The following TMEM132B variants were observed in gnomAD, a reference collection of about 807,000 sequenced individuals.
TMEM132B encodes the protein transmembrane protein 132B.
A neutral mutation model predicts 90.8 loss-of-function variants in TMEM132B; 18 were observed. That is an observed-to-expected ratio of 0.20 (90% confidence interval 0.14 to 0.29). The LOEUF (loss-of-function observed/expected upper bound fraction) is 0.29. Ranked by LOEUF, TMEM132B falls within the 10% of genes least tolerant of loss-of-function variation. The pLI is 1.00. For synonymous variants in TMEM132B, 504 were observed against 523.3 expected (o/e 0.96, Z 0.50); for missense variants, 1,096 against 1,326.8 (o/e 0.83, Z 2.70).
At chr12:125,535,563 A>G (rs1883774033) in intron 4 of TMEM132B, among the ~76,000 whole-genome samples, 2 of 152,202 alleles carry the variant, frequency 1.3e-5, no homozygotes, top group Admixed American at 1.3e-4. Context: ...AATTTTTTTA[A>G]TGAAGGAGGA....
intron 5 of TMEM132B, among the ~76,000 whole-genome samples, chr12:125,608,307 A>C (rs982069086): frequency 6.6e-6 from 1 of 152,176 alleles, no homozygotes; most frequent in African/African-American, 2.4e-5. Context: ...TCAAATTGTA[A>C]TTTTGACTTG....
Position 125,415,397 on chromosome 12 carries a change from C to G in TMEM132B, c.960-134C>G. 10 of 1,160,758 alleles carry G rather than the reference C, an allele frequency of 8.6e-6. No individual in the cohort carries two copies. In the South Asian group the frequency reaches 1.5e-4, roughly 18 times the overall value. The allele number at this position is 1,160,758 out of a possible 1,614,324, so 71.9% of individuals were successfully genotyped here. A position where few individuals can be genotyped will look rare whatever the true frequency, so the allele number is the denominator to read the frequency against. ...GGAAAGCCACTTGCCACCACTCTCC[C>G]CCACATCTCCCAGAGGAAGGGGGCG... is the stretch of plus-strand genomic sequence containing the variant. On this transcript the variant is annotated intron_variant, in intron 2 of 8. Coordinates refer to ENST00000682704, the MANE Select transcript of TMEM132B (RefSeq NM_001366854.1). This position sits in a 1 kb window ranked among gnomAD's most constrained non-coding sequence, Gnocchi z 5.3.
chr12:125,662,369 A>C lies in TMEM132B; in HGVS notation c.*7659A>C, dbSNP rs989402734. 1 of 152,224 alleles carries C rather than the reference A, an allele frequency of 6.6e-6. No individual in the cohort carries two copies. Among genetic ancestry groups the C allele is most frequent in the South Asian group, 2.1e-4 (1 of 4,832 alleles). 9.4% of individuals were successfully genotyped at this position (152,224 alleles called of 1,614,324 possible). A position where few individuals can be genotyped will look rare whatever the true frequency, so the allele number is the denominator to read the frequency against. On this transcript the variant is annotated 3_prime_UTR_variant, in exon 9 of 9. Transcript: ENST00000682704. Reference sequence around the variant, plus strand: ...ACGAAGAAATAAAACATGTTGGATGATTCCTTGTTATAGTAAAACAATTAA... The same window carrying C: ...ACGAAGAAATAAAACATGTTGGATGCTTCCTTGTTATAGTAAAACAATTAA...
intron 4 of TMEM132B, among the ~76,000 whole-genome samples, chr12:125,566,415 G>T (rs1884658857): frequency 6.6e-6 from 1 of 152,306 alleles, no homozygotes; most frequent in South Asian, 2.1e-4. Context: ...GACATAAATA[G>T]TGCTCACACA....
chr12:125,209,042 T>C lies in TMEM132B; in HGVS notation c.67+22176T>C, dbSNP rs753221401. 6.6e-6 allele frequency among the ~76,000 whole-genome samples: 1 copy of C among 152,100 alleles called. No homozygotes were observed. Among genetic ancestry groups the C allele is most frequent in the African/African-American group, 2.4e-5 (1 of 41,394 alleles). On this transcript the variant is annotated intron_variant, in intron 1 of 8. Coordinates refer to ENST00000682704, the MANE Select transcript of TMEM132B (RefSeq NM_001366854.1). The surrounding 1 kb of genome is among the most constrained non-coding windows in gnomAD (Gnocchi z 4.4). The stretch of plus-strand genomic sequence containing the variant: ...GTCAACTGAGCCCGGGGTTATTGAT[T>C]TACAGGAGGCAGATTATGTTTGGGA...
chr12:125,451,287 C>T (rs973187149), intron 3 of TMEM132B, among the ~76,000 whole-genome samples: 15 of 151,870 alleles, frequency 9.9e-5, no homozygotes, highest in Admixed American at 4.6e-4. Flanking sequence ...GAATGCACAC[C>T]GAAGTATTTA....
chr12:125,494,985 G>A (rs1468402069), intron 3 of TMEM132B, among the ~76,000 whole-genome samples: 23 of 79,604 alleles, frequency 2.9e-4, no homozygotes, highest in South Asian at 9.6e-4. Context: ...CTCCTCCCTG[G>A]AAATGGCTGT....
rs1887080814 is a variant in TMEM132B at position 125,657,000 on chromosome 12, A to G, written c.*2290A>G. The G allele has an allele frequency of 6.6e-6, 1 of 152,254 alleles. No homozygotes were observed. Among genetic ancestry groups the G allele is most frequent in the African/African-American group, 2.4e-5 (1 of 41,468 alleles). The allele number at this position is 152,254 out of a possible 1,614,324, so 9.4% of individuals were successfully genotyped here. A position where few individuals can be genotyped will look rare whatever the true frequency, so the allele number is the denominator to read the frequency against. ...AACTGGGGAGGAGGTGAAGGAAATT[A>G]TCCCTGCCATGGGGAGTGTTATTCA... is the stretch of plus-strand genomic sequence containing the variant. On this transcript the variant is annotated 3_prime_UTR_variant, in exon 9 of 9. Transcript: ENST00000682704.
intron 3 of TMEM132B, among the ~76,000 whole-genome samples, chr12:125,435,968 C>T (rs1168878389): frequency 6.6e-6 from 1 of 152,006 alleles, no homozygotes; most frequent in Non-Finnish European, 1.5e-5. Flanking sequence ...TCCTGCCCCT[C>T]GGTGCCCCAC....
chr12:125,446,443 A>C (rs527462075), intron 3 of TMEM132B, among the ~76,000 whole-genome samples: 2 of 152,348 alleles, frequency 1.3e-5, no homozygotes, highest in East Asian at 3.9e-4. Context: ...CTTAATGTTC[A>C]TTAAGAAGTA....
intron 3 of TMEM132B, among the ~76,000 whole-genome samples, chr12:125,519,171 G>T (rs1883241066): frequency 6.6e-6 from 1 of 152,200 alleles, no homozygotes; most frequent in Non-Finnish European, 1.5e-5. Flanking sequence ...ATGCGAAGAG[G>T]TGAAATGCTG....
At chr12:125,189,443 G>A (rs985205252) in intron 1 of TMEM132B, among the ~76,000 whole-genome samples, 2 of 152,166 alleles carry the variant, frequency 1.3e-5, no homozygotes, top group African/African-American at 4.8e-5. Flanking sequence ...GCAGGGGGGA[G>A]CTTTGGCTTT....
chr12:125,337,603 C>T (rs918490594), intron 1 of TMEM132B, among the ~76,000 whole-genome samples: 4 of 152,142 alleles, frequency 2.6e-5, no homozygotes, highest in East Asian at 1.9e-4. Flanking sequence ...ATACGGTCGA[C>T]GAGGAAGTTT....
Position 125,644,212 on chromosome 12 carries a change from A to G in TMEM132B, c.1574A>G (p.Gln525Arg). 6.2e-7 allele frequency: 1 copy of G among 1,614,210 alleles called. No individual in the cohort carries two copies. Among genetic ancestry groups the G allele is most frequent in the Non-Finnish European group, 8.5e-7 (1 of 1,180,048 alleles). The change falls in exon 6 of 9, where the codon CAG becomes CGG. Residue 525 changes from glutamine to arginine, a missense_variant. Physicochemically the swap from Gln to Arg is conservative, Grantham distance 43. Coordinates refer to ENST00000682704, the MANE Select transcript of TMEM132B (RefSeq NM_001366854.1). ...VTVWAPRLPL[Q>R]IEISDTELSQ... The stretch of plus-strand genomic sequence containing the variant: ...GTCTGGGCACCCAGGCTCCCCCTGC[A>G]GATTGAGATCTCAGACACCGAGCTG...
At chr12:125,617,802 C>G (rs1886027151) in intron 5 of TMEM132B, among the ~76,000 whole-genome samples, 1 of 152,068 alleles carries the variant, frequency 6.6e-6, no homozygotes, top group South Asian at 2.1e-4. Flanking sequence ...TAAATTCAGG[C>G]CTCTTTGAGG....
intron 1 of TMEM132B, among the ~76,000 whole-genome samples, chr12:125,191,285 C>T (rs1012197623): frequency 6.6e-6 from 1 of 152,000 alleles, no homozygotes; most frequent in Non-Finnish European, 1.5e-5. Flanking sequence ...GTGCTTCTTC[C>T]TGTGCTGCAG....
chr12:125,194,599 G>T (rs1280871144), intron 1 of TMEM132B, among the ~76,000 whole-genome samples: 1 of 152,036 alleles, frequency 6.6e-6, no homozygotes, highest in Non-Finnish European at 1.5e-5. Context: ...CTCTGCCGAC[G>T]TATTTATGTC....
chr12:125,554,427 T>TTTAAA (rs1388382286), intron 4 of TMEM132B, among the ~76,000 whole-genome samples: 1 of 69,480 alleles, frequency 1.4e-5, no homozygotes, highest in African/African-American at 5.0e-5. Flanking sequence ...TCCATTTCAT[T>TTTAAA]AAAAAAAAAA....
chr12:125,200,386 T>G (rs1873027859), intron 1 of TMEM132B, among the ~76,000 whole-genome samples: 1 of 152,234 alleles, frequency 6.6e-6, no homozygotes, highest in Non-Finnish European at 1.5e-5. Flanking sequence ...CCCATTGTTT[T>G]AAGTTTGTTT....
Sources: gnomAD v4.1 joint callset for allele counts (sites outside exome capture counted in the v4.1 genomes callset) on GRCh38, gnomAD v4.1.1 for gene constraint, Gnocchi (gnomAD v3.1) non-coding constraint, MANE v1.5 for transcripts, NCBI Gene and HGNC (gene_info 2026-07-23, HGNC 2026-07-21) for gene names.